ARPP21: variants seen among roughly 807,000 people sequenced by gnomAD.
The protein encoded by ARPP21 is cAMP regulated phosphoprotein 21, also known as cAMP-regulated phosphoprotein 21.
Under a neutral mutation model 113.2 loss-of-function variants are expected in ARPP21, and 69 were observed. The ratio of observed to expected loss-of-function variants is 0.61; its 90% confidence interval spans 0.50 to 0.74. The LOEUF is 0.74. Among genes scored for constraint, ARPP21 ranks in the 30% least tolerant of loss-of-function variants. The pLI is 0.00. For missense variants in ARPP21, 1,070 were observed against 1,037.4 expected, an observed-to-expected ratio of 1.03 and a Z score of -0.43; for synonymous variants, 368 against 375.5, an observed-to-expected ratio of 0.98 and a Z score of 0.23.
chr3:35,766,293 G>A (rs964466991), intron 19 of ARPP21, among the ~76,000 whole-genome samples: 1 of 152,154 alleles, frequency 6.6e-6, no homozygotes, highest in Non-Finnish European at 1.5e-5. Context: ...ACAAGTTGGA[G>A]TAGTAATGGC....
chr3:35,740,831 C>T (rs551637784), intron 18 of ARPP21, among the ~76,000 whole-genome samples: 8 of 152,198 alleles, frequency 5.3e-5, no homozygotes, highest in African/African-American at 1.9e-4. Flanking sequence ...GGCTTAGTGG[C>T]TCAGACCTTT....
At position 35,715,451 on chromosome 3, in the gene ARPP21, C is replaced by A. The variant is rs769481662; in HGVS notation, c.910C>A (p.Gln304Lys). 6 of 1,613,080 alleles carry A rather than the reference C, an allele frequency of 3.7e-6. No homozygotes were observed. In the South Asian group the frequency reaches 6.6e-5, roughly 18 times the overall value. The change falls in exon 12 of 21, where the codon CAG becomes AAG. Residue 304 changes from glutamine to lysine, a missense_variant. Transcript: ENST00000684406. ...TTTTATTTTTCAGTCAGTTTGCTCCCAGGAAAGCCTTTTTGTGGAAAACAG... is the reference window on the plus strand; with the variant it reads ...TTTTATTTTTCAGTCAGTTTGCTCCAAGGAAAGCCTTTTTGTGGAAAACAG... ...RIFAHDSVCS[Q>K]ESLFVENSRL...
At chr3:35,680,713 TCTC>T (rs2078639037) in intron 2 of ARPP21, 1 of 151,112 alleles carries the variant, frequency 6.6e-6, no homozygotes, top group Non-Finnish European at 1.5e-5. Flanking sequence ...TCTCTCTGCT[TCTC>T]CTTCTCCTTC....
At chr3:35,709,325 A>G (rs2090304097) in intron 11 of ARPP21, among the ~76,000 whole-genome samples, 1 of 152,216 alleles carries the variant, frequency 6.6e-6, no homozygotes, top group African/African-American at 2.4e-5. Context: ...GGTCAGTGAT[A>G]CAGACCTTAA....
chr3:35,738,385 TG>T, intron 17 of ARPP21, 67 bp downstream of exon 17: 1 of 1,334,368 alleles, frequency 7.5e-7, no homozygotes, highest in Non-Finnish European at 1.0e-6. Context: ...ACTACTTTTT[TG>T]TGTGCCACTG....
chr3:35,688,004 G>A, intron 6 of ARPP21, 121 bp downstream of exon 6: 7 of 843,092 alleles, frequency 8.3e-6, no homozygotes, highest in South Asian at 2.1e-5. Context: ...TTCTATACGT[G>A]TACGTATCTG....
At chr3:35,759,676 C>CTCTGTG (rs747297264) in intron 19 of ARPP21, among the ~76,000 whole-genome samples, 3 of 140,794 alleles carry the variant, frequency 2.1e-5, no homozygotes, top group African/African-American at 8.0e-5. Context: ...TTTTCTCTCT[C>CTCTGTG]TGTGTGTGTG....
intron 13 of ARPP21, 118 bp from the exon 14 acceptor site, chr3:35,721,487 T>G: frequency 1.6e-6 from 1 of 637,812 alleles, no homozygotes; most frequent in South Asian, 2.0e-5. Context: ...ATGAAAAGGG[T>G]TGGCAGGAAG....
rs561884832 is a variant in ARPP21 at position 35,738,418 on chromosome 3, C to A, written c.1749+100C>A. ...ACTGGCTGACACTGGGGTGGGTGCC[C>A]TGGGCTGACTGTGAGGGGGTATGTG... is the stretch of plus-strand genomic sequence containing the variant. On this transcript the variant is annotated intron_variant, in intron 17 of 20. Transcript: ENST00000684406. The A allele has an allele frequency of 9.4e-5, 83 of 883,972 alleles. No individual in the cohort carries two copies. The African/African-American group carries it at 1.3e-3, about 14-fold the overall frequency. The allele number at this position is 883,972 out of a possible 1,614,324, so 54.8% of individuals were successfully genotyped here.
At chr3:35,783,869 G>A (rs1160106224) in intron 19 of ARPP21, among the ~76,000 whole-genome samples, 1 of 151,888 alleles carries the variant, frequency 6.6e-6, no homozygotes, top group Non-Finnish European at 1.5e-5. Context: ...TTTGCCCTTT[G>A]CACATGCTGA....
At chr3:35,760,675 A>T (rs1342649313) in intron 19 of ARPP21, among the ~76,000 whole-genome samples, 1 of 152,100 alleles carries the variant, frequency 6.6e-6, no homozygotes. Flanking sequence ...CTGAAACTTT[A>T]AAGATTTTGA....
chr3:35,780,781 T>C (rs1396657564), intron 19 of ARPP21, among the ~76,000 whole-genome samples: 1 of 151,950 alleles, frequency 6.6e-6, no homozygotes, highest in Non-Finnish European at 1.5e-5. Context: ...GGCTTAGCAA[T>C]TCGTATTTTA....
chr3:35,697,562 T>C (rs541366613), intron 9 of ARPP21, among the ~76,000 whole-genome samples: 1 of 151,716 alleles, frequency 6.6e-6, no homozygotes, highest in South Asian at 2.1e-4. Flanking sequence ...AACCAATTGA[T>C]TTTATTAAGA....
chr3:35,671,244 T>C (rs774277111), intron 1 of ARPP21, among the ~76,000 whole-genome samples: 17 of 152,148 alleles, frequency 1.1e-4, no homozygotes, highest in Non-Finnish European at 2.1e-4. Context: ...GGTAGTTTTG[T>C]TGTTATTCTC....
At position 35,737,424 on chromosome 3, in the gene ARPP21, C is replaced by T. The variant is rs964773703; in HGVS notation, c.1644+62C>T. 9.2e-6 allele frequency: 10 copies of T among 1,086,568 alleles called. No homozygotes were observed. The African/African-American group carries it at 1.3e-4, about 14-fold the overall frequency. The allele number at this position is 1,086,568 out of a possible 1,614,324, so 67.3% of individuals were successfully genotyped here. On this transcript the variant is annotated intron_variant, in intron 16 of 20. Transcript: ENST00000684406. ...CCTGAGATGAAGGCTACATAGTCCTCAGAGCAGCAGAGAATCAGGGAGAAG... is the reference window on the plus strand; with the variant it reads ...CCTGAGATGAAGGCTACATAGTCCTTAGAGCAGCAGAGAATCAGGGAGAAG...
At chr3:35,706,570 G>A (rs1435842674) in intron 9 of ARPP21, among the ~76,000 whole-genome samples, 1 of 152,194 alleles carries the variant, frequency 6.6e-6, no homozygotes, top group African/African-American at 2.4e-5. Flanking sequence ...TATTCTGCCA[G>A]TTCCAGACAT....
chr3:35,686,848 G>C (rs902086073), intron 5 of ARPP21, among the ~76,000 whole-genome samples: 4 of 151,376 alleles, frequency 2.6e-5, no homozygotes, highest in African/African-American at 9.7e-5. Flanking sequence ...TCAAAACAGT[G>C]AACATACTAT....
intron 19 of ARPP21, among the ~76,000 whole-genome samples, chr3:35,789,719 C>G (rs768013433): frequency 3.9e-5 from 6 of 152,206 alleles, no homozygotes; most frequent in Non-Finnish European, 7.3e-5. Context: ...AAGACGAATT[C>G]TGCTCTCACA....
In ARPP21 at chr3:35,743,901, C is replaced by T. The variant is rs2094841360; in HGVS notation, c.2073C>T (p.Pro691=). The T allele has an allele frequency of 4.3e-6, 7 of 1,613,992 alleles. No homozygotes were observed. Among genetic ancestry groups the T allele is most frequent in the Non-Finnish European group, 5.9e-6 (7 of 1,179,936 alleles). The part of the protein sequence containing the change: ...YPTSTTQQYR[P]MAPVQYNAQR... ...CCTCAACCACGCAACAGTACCGGCC[C>T]ATGGCCCCGGTTCAGTACAACGCTC... The change falls in exon 19 of 21, where the codon CCC becomes CCT. Residue 691 remains proline (P), a synonymous_variant. Coordinates refer to ENST00000684406, the MANE Select transcript of ARPP21 (RefSeq NM_001385562.1).
Sources: allele counts gnomAD v4.1 joint callset (sites outside exome capture counted in the v4.1 genomes callset), GRCh38; gene constraint gnomAD v4.1.1; transcripts MANE v1.5; gene names NCBI Gene and HGNC (gene_info 2026-07-23, HGNC 2026-07-21).